NT5DC1: variants seen among roughly 807,000 people sequenced by gnomAD.
NT5DC1 encodes 5'-nucleotidase domain-containing protein 1.
A neutral mutation model predicts 59.4 loss-of-function variants in NT5DC1; 42 were observed. The ratio of observed to expected loss-of-function variants is 0.71; its 90% CI spans 0.55 to 0.92. NT5DC1 has a LOEUF of 0.92. Ranked by LOEUF, NT5DC1 falls within the 40% of genes least tolerant of loss-of-function variation. The probability of loss-of-function intolerance (pLI) is 0.00; values close to 1 mark genes in which losing one functional copy is unlikely to be tolerated. For missense variants in NT5DC1, 501 were observed against 537.1 expected (o/e 0.93, Z 0.66); for synonymous variants, 172 against 188.1 (o/e 0.91, Z 0.70).
At chr6:116,196,688 T>C (rs76867127) in intron 6 of NT5DC1, among the ~76,000 whole-genome samples, 6,220 of 152,094 alleles carry the variant, frequency 0.041, 430 homozygotes, top group African/African-American at 0.14. Flanking sequence ...TTTATGAGCA[T>C]TTCACCAGCA....
Position 116,243,912 on chromosome 6 carries a change from T to G in NT5DC1, c.1256T>G (p.Leu419Ter). 7.1e-7 allele frequency: 1 copy of G among 1,400,382 alleles called. No individual in the cohort carries two copies. The highest frequency in any genetic ancestry group is 1.0e-6 in the Non-Finnish European group (1 of 1,004,982). 86.7% of individuals were successfully genotyped at this position (1,400,382 alleles called of 1,614,324 possible). The change falls in exon 12 of 12, where the codon TTA becomes TGA. Residue 419 changes from leucine (L) to a stop codon, truncating the protein, a stop_gained. Coordinates refer to ENST00000319550, the MANE Select transcript of NT5DC1 (RefSeq NM_152729.3). LOFTEE classifies it high-confidence loss of function. ...AIPSIEAIAE[L>*]PLDYKFTRFS... ...TAAATTTTTTTTTCCTCCCCAGAAT[T>G]ACCTCTGGACTACAAATTTACAAGA...
intron 6 of NT5DC1, among the ~76,000 whole-genome samples, chr6:116,219,383 A>G (rs757746044): frequency 6.6e-6 from 1 of 152,188 alleles, no homozygotes. Flanking sequence ...ACATTACTTC[A>G]GGATCCTGCA....
At chr6:116,137,559 T>G (rs28634952) in intron 6 of NT5DC1, 2 of 214,304 alleles carry the variant, frequency 9.3e-6, no homozygotes, top group Non-Finnish European at 9.9e-6. Flanking sequence ...GGTCTCCTCT[T>G]TAGTCAAAGG....
At position 116,248,451 on chromosome 6, in the gene NT5DC1, G is replaced by A. The variant is rs533217315; in HGVS notation, c.*4427G>A. 6.6e-6 allele frequency: 1 copy of A among 152,248 alleles called. No homozygotes were observed. Among genetic ancestry groups the A allele is most frequent in the African/African-American group, 2.4e-5 (1 of 41,554 alleles). The allele number at this position is 152,248 out of a possible 1,614,324, so 9.4% of individuals were successfully genotyped here. ...TCAGTAATTAAAAATATAGGCAAGGGTTTGTTTTGGTTTTTGTTTGTTAAT... is the reference window on the plus strand; with the variant it reads ...TCAGTAATTAAAAATATAGGCAAGGATTTGTTTTGGTTTTTGTTTGTTAAT... On this transcript the variant is annotated 3_prime_UTR_variant, in exon 12 of 12. Coordinates refer to ENST00000319550, the MANE Select transcript of NT5DC1 (RefSeq NM_152729.3).
intron 6 of NT5DC1, among the ~76,000 whole-genome samples, chr6:116,215,109 C>A (rs1160226823): frequency 6.6e-6 from 1 of 152,108 alleles, no homozygotes; most frequent in African/African-American, 2.4e-5. Flanking sequence ...TATTGCTTTC[C>A]TGGTTCTGAA....
chr6:116,197,518 G>A (rs1781259219), intron 6 of NT5DC1, among the ~76,000 whole-genome samples: 1 of 152,006 alleles, frequency 6.6e-6, no homozygotes, highest in East Asian at 1.9e-4. Flanking sequence ...AGAACAAACA[G>A]CCAGGTACAG....
chr6:116,129,304 ATTGT>A, intron 6 of NT5DC1, among the ~76,000 whole-genome samples: 1 of 152,176 alleles, frequency 6.6e-6, no homozygotes, highest in Non-Finnish European at 1.5e-5. Flanking sequence ...TGATTGATAA[ATTGT>A]TTGTTGAAAT....
chr6:116,134,662 A>G (rs544717185), intron 6 of NT5DC1, among the ~76,000 whole-genome samples: 2 of 152,290 alleles, frequency 1.3e-5, no homozygotes, highest in Admixed American at 1.3e-4. Context: ...CCTTACCTTA[A>G]AATAATAACT....
intron 6 of NT5DC1, among the ~76,000 whole-genome samples, chr6:116,136,773 G>A (rs1779616697): frequency 6.6e-6 from 1 of 151,398 alleles, no homozygotes; most frequent in Admixed American, 6.5e-5. Context: ...CTTGGCCTTA[G>A]TTCCAACGGT....
Position 116,102,043 on chromosome 6 carries a change from T to C in NT5DC1, c.93+1020T>C, listed in dbSNP as rs549434913. On this transcript the variant is annotated intron_variant, in intron 1 of 11. Transcript: ENST00000319550. ...TAATAATTGGATTTACCTCACAAGA[T>C]TGTTGCAAGGATTAAATGAGTAAGA... is the stretch of plus-strand genomic sequence containing the variant. Among the ~76,000 whole-genome samples the C allele has an allele frequency of 1.4e-3, 215 of 152,348 alleles. 2 individuals carry two copies. The highest frequency in any genetic ancestry group is 5.1e-3 in the African/African-American group (214 of 41,582).
chr6:116,104,667 CATA>C (rs2114896718), intron 1 of NT5DC1, among the ~76,000 whole-genome samples: 1 of 152,238 alleles, frequency 6.6e-6, no homozygotes, highest in South Asian at 2.1e-4. Context: ...CAGCATACAA[CATA>C]ATAATAGCAA....
intron 6 of NT5DC1, chr6:116,121,273 T>A (rs755507631): frequency 6.2e-7 from 1 of 1,613,922 alleles, no homozygotes; most frequent in Admixed American, 1.7e-5. Flanking sequence ...CAGGGAGACC[T>A]TTTGTTCCTG....
intron 6 of NT5DC1, among the ~76,000 whole-genome samples, chr6:116,148,635 T>G (rs1779956156): frequency 6.6e-6 from 1 of 152,198 alleles, no homozygotes; most frequent in South Asian, 2.1e-4. Context: ...TTTTTTTGGT[T>G]AAGAAATGAC....
At chr6:116,168,118 G>T (rs1044547854) in intron 6 of NT5DC1, among the ~76,000 whole-genome samples, 1 of 148,274 alleles carries the variant, frequency 6.7e-6, no homozygotes. Context: ...CTCCTTGGAG[G>T]GCTTCTCAGA....
rs118038811 is a variant in NT5DC1 at position 116,109,159 on chromosome 6, A to G, written c.257+724A>G. On this transcript the variant is annotated intron_variant, in intron 3 of 11. Coordinates refer to ENST00000319550, the MANE Select transcript of NT5DC1 (RefSeq NM_152729.3). The stretch of plus-strand genomic sequence containing the variant: ...GGCAAGTCAACATGGCTATGAAGCT[A>G]TACCATTTATTACATACACAAACAG... Among the ~76,000 whole-genome samples the G allele has an allele frequency of 2.5e-3, 385 of 152,324 alleles. 1 individual carries two copies. Among genetic ancestry groups the G allele is most frequent in the Non-Finnish European group, 4.4e-3 (297 of 68,028 alleles).
At chr6:116,163,020 A>C (rs1279593826) in intron 6 of NT5DC1, among the ~76,000 whole-genome samples, 1 of 150,934 alleles carries the variant, frequency 6.6e-6, no homozygotes, top group African/African-American at 2.4e-5. Flanking sequence ...CCAGCTACTC[A>C]GGAAGCTGAG....
At chr6:116,118,125 C>T (rs945357691) in intron 6 of NT5DC1, 180 bp downstream of exon 6, 3 of 635,246 alleles carry the variant, frequency 4.7e-6, no homozygotes, top group Admixed American at 2.5e-5. Context: ...GTGCTTCTTT[C>T]ATGGCTATAA....
At chr6:116,208,242 G>A (rs753594016) in intron 6 of NT5DC1, among the ~76,000 whole-genome samples, 3 of 151,876 alleles carry the variant, frequency 2.0e-5, no homozygotes, top group Admixed American at 6.6e-5. Context: ...TGCTTTGCCC[G>A]GAGGCATCCC....
At chr6:116,185,193 A>C (rs1346042762) in intron 6 of NT5DC1, among the ~76,000 whole-genome samples, 2 of 152,012 alleles carry the variant, frequency 1.3e-5, no homozygotes, top group Non-Finnish European at 2.9e-5. Context: ...TTTGGAGTTG[A>C]TTTCCAATTT....
Sources: allele counts gnomAD v4.1 joint callset (sites outside exome capture counted in the v4.1 genomes callset), GRCh38; gene constraint gnomAD v4.1.1; transcripts MANE v1.5; gene names NCBI Gene and HGNC (gene_info 2026-07-23, HGNC 2026-07-21).